The following CCSER1 variants were observed in gnomAD, a reference collection of about 807,000 sequenced individuals.
CCSER1 encodes coiled-coil serine rich protein 1.
A neutral mutation model predicts 82.0 loss-of-function variants in CCSER1; 41 were observed. That is an observed-to-expected ratio of 0.50 (90% confidence interval 0.39 to 0.65). The LOEUF (loss-of-function observed/expected upper bound fraction) is 0.65. Among genes scored for constraint, CCSER1 ranks in the 30% least tolerant of loss-of-function variants. The probability of loss-of-function intolerance (pLI) is 0.00; values close to 1 mark genes in which losing one functional copy is unlikely to be tolerated. For missense variants in CCSER1, 1,119 were observed against 1,064.2 expected (o/e 1.05, Z -0.72); for synonymous variants, 414 against 383.9 (o/e 1.08, Z -0.92).
chr4:90,172,569 A>G (rs1159512965), intron 1 of CCSER1, among the ~76,000 whole-genome samples: 2 of 151,890 alleles, frequency 1.3e-5, no homozygotes, highest in Non-Finnish European at 2.9e-5. Flanking sequence ...GAAGTATAGT[A>G]TAATTAATTT....
chr4:90,802,977 C>T lies in CCSER1; in HGVS notation c.2011-12785C>T, dbSNP rs955582632. On this transcript the variant is annotated intron_variant, in intron 7 of 10. Coordinates refer to ENST00000509176, the MANE Select transcript of CCSER1 (RefSeq NM_001145065.2). ...TTGTCTGTTTTCTTTGTTTTTTAAT[C>T]TTTTGAATTTTTTGTTTATAAGAAT... Among the ~76,000 whole-genome samples the T allele has an allele frequency of 3.4e-5, 5 of 148,272 alleles. No homozygotes were observed. In the Admixed American group the frequency reaches 3.4e-4, roughly 10 times the overall value.
chr4:90,353,365 T>C (rs1579342783), intron 3 of CCSER1, among the ~76,000 whole-genome samples: 1 of 152,116 alleles, frequency 6.6e-6, no homozygotes, highest in South Asian at 2.1e-4. Flanking sequence ...TTGAATGACT[T>C]TTTAAAAACT....
chr4:91,004,729 T>C (rs1402271147), intron 9 of CCSER1, among the ~76,000 whole-genome samples: 1 of 152,220 alleles, frequency 6.6e-6, no homozygotes, highest in Admixed American at 6.5e-5. Flanking sequence ...TATGAAAGCT[T>C]CTCTAATATT....
chr4:91,052,158 T>G (rs1462837478), intron 9 of CCSER1, among the ~76,000 whole-genome samples: 2 of 152,084 alleles, frequency 1.3e-5, no homozygotes, highest in African/African-American at 4.8e-5. Flanking sequence ...AGGAATGTAC[T>G]CCTTAATTTT....
chr4:90,271,860 A>T (rs1298753178), intron 1 of CCSER1, among the ~76,000 whole-genome samples: 455 of 22,114 alleles, frequency 0.021, 9 homozygotes, highest in Middle Eastern at 0.071. Flanking sequence ...ATATATATAT[A>T]TATTTTTTTT....
At chr4:90,484,759 G>C (rs928735126) in intron 5 of CCSER1, among the ~76,000 whole-genome samples, 75 of 152,032 alleles carry the variant, frequency 4.9e-4, no homozygotes, top group Non-Finnish European at 1.8e-4. Flanking sequence ...GTACCTGGCC[G>C]GCTGTGTGAT....
intron 8 of CCSER1, among the ~76,000 whole-genome samples, chr4:90,841,644 GTCAGGAAACATTTTCTATTAGAACTGTT>G (rs1762588761): frequency 6.6e-6 from 1 of 151,682 alleles, no homozygotes; most frequent in Non-Finnish European, 1.5e-5. Context: ...CATAGTCTGG[GTCAGGAAACATTTTCTATTAGAACTGTT>G]TATTAGGGCA....
rs372471250 is a variant in CCSER1, at chr4:91,601,575, G to A, written c.*2518G>A. The stretch of plus-strand genomic sequence containing the variant: ...ATTCTTTCAGTGAATTGCTTTCTTT[G>A]TACTAAAATCTCTAGTTTTCTAAGA... On this transcript the variant is annotated 3_prime_UTR_variant, in exon 11 of 11. Transcript: ENST00000509176. 1.3e-5 allele frequency: 2 copies of A among 151,850 alleles called. No individual in the cohort carries two copies. The highest frequency in any genetic ancestry group is 6.6e-5 in the Admixed American group (1 of 15,224). 9.4% of individuals were successfully genotyped at this position (151,850 alleles called of 1,614,324 possible). A position where few individuals can be genotyped will look rare whatever the true frequency, so the allele number is the denominator to read the frequency against.
intron 7 of CCSER1, among the ~76,000 whole-genome samples, chr4:90,777,625 A>G (rs528402643): frequency 5.3e-5 from 8 of 152,076 alleles, no homozygotes; most frequent in Non-Finnish European, 1.0e-4. Flanking sequence ...TCTCAGTTTC[A>G]GTTTTATTAT....
chr4:90,709,985 CT>C (rs1740235920), intron 6 of CCSER1, among the ~76,000 whole-genome samples: 1 of 142,764 alleles, frequency 7.0e-6, no homozygotes, highest in East Asian at 2.1e-4. Flanking sequence ...ACCATTCTGA[CT>C]GGTGTGAGAT....
intron 5 of CCSER1, among the ~76,000 whole-genome samples, chr4:90,563,296 G>C (rs1393795635): frequency 6.6e-6 from 1 of 152,002 alleles, no homozygotes; most frequent in African/African-American, 2.4e-5. Flanking sequence ...ATTTTTAATA[G>C]AGACAGGGTT....
At position 90,637,360 on chromosome 4, in the gene CCSER1, A is replaced by C. The variant is rs538813040; in HGVS notation, c.1932+9128A>C. Among the ~76,000 whole-genome samples, 56 of 152,178 alleles carry C rather than the reference A, an allele frequency of 3.7e-4. 1 individual carries two copies. Among genetic ancestry groups the C allele is most frequent in the Non-Finnish European group, 3.2e-4 (22 of 68,030 alleles). ...CTGAGAGAGAGAAGACAAAATGCACAATGTCTTTTGTAACCTAGTCTCAGA... is the reference window on the plus strand; with the variant it reads ...CTGAGAGAGAGAAGACAAAATGCACCATGTCTTTTGTAACCTAGTCTCAGA... On this transcript the variant is annotated intron_variant, in intron 6 of 10. Coordinates refer to ENST00000509176, the MANE Select transcript of CCSER1 (RefSeq NM_001145065.2).
chr4:90,684,071 G>A (rs1734371921), intron 6 of CCSER1, among the ~76,000 whole-genome samples: 1 of 151,962 alleles, frequency 6.6e-6, no homozygotes, highest in Non-Finnish European at 1.5e-5. Context: ...TTGAATTAAC[G>A]GCCTCACATC....
chr4:90,384,942 T>C (rs928924083), intron 3 of CCSER1, among the ~76,000 whole-genome samples: 11 of 152,194 alleles, frequency 7.2e-5, no homozygotes, highest in African/African-American at 2.7e-4. Flanking sequence ...TGGCCCTACA[T>C]ATCCATAGCT....
intron 5 of CCSER1, among the ~76,000 whole-genome samples, chr4:90,624,148 G>T (rs1722868623): frequency 6.6e-6 from 1 of 152,162 alleles, no homozygotes; most frequent in African/African-American, 2.4e-5. Context: ...AGAAATCACA[G>T]TTACATTATA....
At chr4:91,547,606 G>C (rs181782796) in intron 10 of CCSER1, among the ~76,000 whole-genome samples, 91 of 152,152 alleles carry the variant, frequency 6.0e-4, no homozygotes, top group African/African-American at 2.2e-3. Context: ...ACATGTAGTT[G>C]GGTCTTATTT....
intron 7 of CCSER1, among the ~76,000 whole-genome samples, chr4:90,791,723 G>C (rs1755267448): frequency 6.6e-6 from 1 of 151,780 alleles, no homozygotes; most frequent in South Asian, 2.1e-4. Context: ...TTGGGAGGCT[G>C]AGGCAGGAGA....
At chr4:90,130,868 C>T (rs1432737316) in intron 1 of CCSER1, among the ~76,000 whole-genome samples, 5 of 152,018 alleles carry the variant, frequency 3.3e-5, no homozygotes, top group African/African-American at 9.7e-5. Context: ...ATGATCAACC[C>T]GCCTCGGCCT....
At chr4:90,728,730 C>T (rs1392083567) in intron 7 of CCSER1, among the ~76,000 whole-genome samples, 1 of 152,028 alleles carries the variant, frequency 6.6e-6, no homozygotes, top group East Asian at 1.9e-4. Flanking sequence ...AAAAATGATG[C>T]TTAACTTTAC....
Sources: gnomAD v4.1 joint callset for allele counts (sites outside exome capture counted in the v4.1 genomes callset) on GRCh38, gnomAD v4.1.1 for gene constraint, MANE v1.5 for transcripts, NCBI Gene and HGNC (gene_info 2026-07-23, HGNC 2026-07-21) for gene names.